Variants in KDM4C observed in about 807,000 individuals in gnomAD.
The protein encoded by KDM4C is lysine-specific demethylase 4C.
A neutral mutation model predicts 129.3 loss-of-function variants in KDM4C; 81 were observed. That is an observed-to-expected ratio of 0.63 (90% CI 0.52 to 0.75). KDM4C has a LOEUF of 0.75. Ranked by LOEUF, KDM4C falls within the 30% of genes least tolerant of loss-of-function variation. KDM4C has a pLI of 0.00. For synonymous variants in KDM4C, 573 were observed against 456.1 expected (o/e 1.26, Z -3.26); for missense variants, 1,457 against 1,304.0 (o/e 1.12, Z -1.81).
At position 6,929,986 on chromosome 9, in the gene KDM4C, C is replaced by T. The variant is rs192297681; in HGVS notation, c.921+36754C>T. ...GGATGTTACTCACTGTTGATGAGTC[C>T]TGAGGGTCTTTGGGATATTAGTCTC... is the stretch of plus-strand genomic sequence containing the variant. On this transcript the variant is annotated intron_variant, in intron 8 of 21. Coordinates refer to ENST00000381309, the MANE Select transcript of KDM4C (RefSeq NM_015061.6). 6.6e-5 allele frequency among the ~76,000 whole-genome samples: 10 copies of T among 152,138 alleles called. No individual in the cohort carries two copies. The East Asian group carries it at 1.7e-3, about 26-fold the overall frequency.
chr9:7,068,615 G>T (rs2132777010), intron 17 of KDM4C, among the ~76,000 whole-genome samples: 1 of 150,480 alleles, frequency 6.6e-6, no homozygotes, highest in East Asian at 1.9e-4. Flanking sequence ...TTTTTCTTTG[G>T]CTACCTGGTT....
Position 7,009,336 on chromosome 9 carries a change from A to G in KDM4C, c.1787-2362A>G, listed in dbSNP as rs1324360714. ...GTCTGCTAATAATTTTTTTCATGGA[A>G]AAAGTGGCGTTCCATGAAAATGGCA... On this transcript the variant is annotated intron_variant, in intron 12 of 21. Coordinates refer to ENST00000381309, the MANE Select transcript of KDM4C (RefSeq NM_015061.6). Among the ~76,000 whole-genome samples the G allele has an allele frequency of 1.2e-4, 18 of 152,210 alleles. 1 individual carries two copies. The highest frequency in any genetic ancestry group is 1.2e-3 in the Admixed American group (18 of 15,276).
intron 9 of KDM4C, chr9:6,982,244 T>C (rs1279549689): frequency 2.0e-5 from 3 of 152,068 alleles, no homozygotes; most frequent in African/African-American, 7.2e-5. Flanking sequence ...ATTTATTTTC[T>C]GCTTATTTAG....
intron 1 of KDM4C, among the ~76,000 whole-genome samples, chr9:6,730,481 G>A (rs551927234): frequency 1.8e-3 from 273 of 152,088 alleles, no homozygotes; most frequent in African/African-American, 6.1e-3. Context: ...TGGGCGTGGT[G>A]GCGGGCACCC....
intron 17 of KDM4C, among the ~76,000 whole-genome samples, chr9:7,060,478 A>G (rs1487252286): frequency 4.3e-5 from 5 of 116,214 alleles, no homozygotes; most frequent in African/African-American, 2.2e-4. Context: ...TATTATTATT[A>G]TTATTATTAT....
At chr9:7,015,964 T>A (rs781626405) in intron 15 of KDM4C, 35 bp downstream of exon 15, 2 of 1,454,756 alleles carry the variant, frequency 1.4e-6, no homozygotes, top group Non-Finnish European at 1.9e-6. Flanking sequence ...TTAACCTTTC[T>A]TCCCACCCTA....
chr9:7,061,673 A>G (rs1564064475), intron 17 of KDM4C, among the ~76,000 whole-genome samples: 2 of 152,044 alleles, frequency 1.3e-5, no homozygotes, highest in African/African-American at 4.8e-5. Context: ...AGTGCTCCTT[A>G]GGGAAAAGGT....
chr9:6,782,422 A>ATTTT (rs1824554261), intron 1 of KDM4C, among the ~76,000 whole-genome samples: 1 of 152,188 alleles, frequency 6.6e-6, no homozygotes, highest in Non-Finnish European at 1.5e-5. Flanking sequence ...TTGAGCAAGC[A>ATTTT]TTTTATTCTC....
intron 5 of KDM4C, among the ~76,000 whole-genome samples, chr9:6,866,067 T>C (rs565489396): frequency 3.9e-5 from 6 of 151,986 alleles, no homozygotes; most frequent in Admixed American, 3.9e-4. Flanking sequence ...TATTTTTAGT[T>C]AGAGACAGGG....
At chr9:6,978,792 G>A (rs138592059) in intron 8 of KDM4C, 6 of 152,294 alleles carry the variant, frequency 3.9e-5, no homozygotes, top group Admixed American at 6.5e-5. Flanking sequence ...TTGGATCCAC[G>A]AGTCACATAC....
chr9:7,007,405 T>C (rs1176833927), intron 12 of KDM4C, among the ~76,000 whole-genome samples: 2 of 152,224 alleles, frequency 1.3e-5, no homozygotes, highest in African/African-American at 4.8e-5. Flanking sequence ...AAAATCTTTG[T>C]TTTCTTCAAT....
At chr9:7,111,795 T>G (rs1838348919) in intron 18 of KDM4C, among the ~76,000 whole-genome samples, 1 of 152,176 alleles carries the variant, frequency 6.6e-6, no homozygotes, top group Admixed American at 6.5e-5. Context: ...TCATAAAAAG[T>G]GAAACCCCGT....
intron 19 of KDM4C, among the ~76,000 whole-genome samples, chr9:7,154,180 A>G (rs1276206876): frequency 6.6e-6 from 1 of 152,236 alleles, no homozygotes; most frequent in Admixed American, 6.5e-5. Context: ...GGGCAGCCGA[A>G]CAGATGACAG....
At chr9:6,969,698 C>G (rs1831617205) in intron 8 of KDM4C, among the ~76,000 whole-genome samples, 1 of 152,152 alleles carries the variant, frequency 6.6e-6, no homozygotes, top group Non-Finnish European at 1.5e-5. Context: ...AGATGCATTT[C>G]CAGTCTGGAG....
intron 17 of KDM4C, among the ~76,000 whole-genome samples, chr9:7,052,898 A>ATT (rs1830376812): frequency 2.1e-5 from 1 of 47,530 alleles, no homozygotes; most frequent in African/African-American, 4.6e-5. Context: ...AGAGAGAGAG[A>ATT]GAGCGAGCGA....
chr9:6,935,904 G>T (rs1016556572), intron 8 of KDM4C, among the ~76,000 whole-genome samples: 1 of 152,122 alleles, frequency 6.6e-6, no homozygotes, highest in African/African-American at 2.4e-5. Context: ...ATTTTTTGAA[G>T]ACATGAAAAG....
chr9:6,758,135 T>C lies in KDM4C; in HGVS notation c.-86T>C, dbSNP rs995943523. The C allele has an allele frequency of 4.1e-5, 40 of 985,584 alleles. No homozygotes were observed. In the African/African-American group the frequency reaches 6.8e-4, roughly 17 times the overall value. 61.1% of individuals were successfully genotyped at this position (985,584 alleles called of 1,614,324 possible). A position where few individuals can be genotyped will look rare whatever the true frequency, so the allele number is the denominator to read the frequency against. On this transcript the variant is annotated 5_prime_UTR_variant, in exon 1 of 22. Transcript: ENST00000381309. The surrounding 1 kb of genome is among the most constrained non-coding windows in gnomAD (Gnocchi z 4.6). The stretch of plus-strand genomic sequence containing the variant: ...GTCTCCCAAATTTCCCAAATCTCCC[T>C]GGGCCGGAGGCCACTGTCTTCTCTT...
At chr9:6,826,498 T>TA (rs148034528) in intron 4 of KDM4C, among the ~76,000 whole-genome samples, 1,624 of 152,282 alleles carry the variant, frequency 0.011, 30 homozygotes, top group African/African-American at 0.037. Context: ...AACATAGTTT[T>TA]ATCCCCCTTC....
intron 18 of KDM4C, among the ~76,000 whole-genome samples, chr9:7,119,440 T>C (rs762944249): frequency 1.4e-4 from 22 of 152,272 alleles, no homozygotes; most frequent in Non-Finnish European, 2.5e-4. Context: ...GCATTAACAG[T>C]TTTTGTAACT....
Sources: gnomAD v4.1 joint callset for allele counts (sites outside exome capture counted in the v4.1 genomes callset) on GRCh38, gnomAD v4.1.1 for gene constraint, Gnocchi (gnomAD v3.1) non-coding constraint, MANE v1.5 for transcripts, NCBI Gene and HGNC (gene_info 2026-07-23, HGNC 2026-07-21) for gene names.